LPIN1: variants seen among roughly 807,000 people sequenced by gnomAD.
LPIN1 encodes the protein lipin 1.
LPIN1 carries 71 observed loss-of-function variants against 107.5 expected under a neutral mutation model. The observed-to-expected ratio is 0.66, with a 90% confidence interval of 0.55 to 0.80. The LOEUF is 0.80. LPIN1 is among the 30% of genes least tolerant of loss of function. The probability of loss-of-function intolerance (pLI) is 0.00; values close to 1 mark genes in which losing one functional copy is unlikely to be tolerated. For missense variants in LPIN1, 1,043 were observed against 1,160.6 expected, an observed-to-expected ratio of 0.90 and a Z score of 1.47; for synonymous variants, 445 against 452.6, an observed-to-expected ratio of 0.98 and a Z score of 0.21.
Position 11,786,377 on chromosome 2 carries a change from G to A in LPIN1, c.1550-697G>A, listed in dbSNP as rs1674579795. 6.6e-6 allele frequency among the ~76,000 whole-genome samples: 1 copy of A among 152,176 alleles called. No individual in the cohort carries two copies. Among genetic ancestry groups the A allele is most frequent in the Non-Finnish European group, 1.5e-5 (1 of 68,042 alleles). The stretch of plus-strand genomic sequence containing the variant: ...AGTGGGCGTGGCTCTGGGCCAGGGA[G>A]ATGGTCAGAACCGCGGTCAAGGCTT... On this transcript the variant is annotated intron_variant, in intron 10 of 20. Coordinates refer to ENST00000674199, the MANE Select transcript of LPIN1 (RefSeq NM_001349206.2). This position sits in a 1 kb window ranked among gnomAD's most constrained non-coding sequence, Gnocchi z 4.1.
chr2:11,787,698 T>G (rs1198238563), intron 11 of LPIN1, among the ~76,000 whole-genome samples: 3 of 152,032 alleles, frequency 2.0e-5, no homozygotes, highest in Non-Finnish European at 2.9e-5. Context: ...ACTCAGCACT[T>G]TGGGAGGCCA....
At chr2:11,698,947 T>A (rs2148514245) in intron 1 of LPIN1, among the ~76,000 whole-genome samples, 1 of 152,348 alleles carries the variant, frequency 6.6e-6, no homozygotes, top group East Asian at 1.9e-4. Context: ...AGGCCATGAA[T>A]CAAGCTTGGC....
intron 20 of LPIN1, among the ~76,000 whole-genome samples, chr2:11,821,471 C>T (rs571275774): frequency 1.2e-3 from 189 of 152,264 alleles, no homozygotes; most frequent in Admixed American, 2.9e-3. Flanking sequence ...GAGCCCAGAT[C>T]GTGCCATTGC....
At position 11,819,519 on chromosome 2, in the gene LPIN1, T is replaced by A; in HGVS notation, c.2438T>A (p.Val813Asp). Reference protein sequence around the residue: ...VIEKKPEKFKVQCLTDIKNLF... With the variant: ...VIEKKPEKFKDQCLTDIKNLF... ...GAAAAGAAGCCAGAAAAGTTTAAAG[T>A]CCAGTGTTTGACAGACATCAAAAAC... is the stretch of plus-strand genomic sequence containing the variant. Residue 813 changes from valine to aspartate, a missense_variant, in exon 19 of 21, where the codon GTC becomes GAC. Coordinates refer to ENST00000674199, the MANE Select transcript of LPIN1 (RefSeq NM_001349206.2). 1 of 1,613,858 alleles carries A rather than the reference T, an allele frequency of 6.2e-7. No homozygotes were observed. The highest frequency in any genetic ancestry group is 1.1e-5 in the South Asian group (1 of 91,076).
chr2:11,709,743 G>A (rs1572364970), intron 1 of LPIN1, among the ~76,000 whole-genome samples: 1 of 152,218 alleles, frequency 6.6e-6, no homozygotes, highest in African/African-American at 2.4e-5. Context: ...ACTGGGAGCA[G>A]CCCACGACTT....
At chr2:11,794,438 T>C (rs1027275905) in intron 13 of LPIN1, among the ~76,000 whole-genome samples, 2 of 152,234 alleles carry the variant, frequency 1.3e-5, no homozygotes, top group Non-Finnish European at 2.9e-5. Flanking sequence ...TTGCTAATAG[T>C]GATGGCTAAG....
At chr2:11,735,768 C>A (rs920717556) in intron 1 of LPIN1, among the ~76,000 whole-genome samples, 1 of 152,214 alleles carries the variant, frequency 6.6e-6, no homozygotes, top group African/African-American at 2.4e-5. Context: ...TTACATTCTT[C>A]CCATGAAATG....
intron 20 of LPIN1, among the ~76,000 whole-genome samples, chr2:11,823,829 T>C (rs1477053825): frequency 6.6e-6 from 1 of 152,170 alleles, no homozygotes; most frequent in Admixed American, 6.5e-5. Context: ...GAGAACGTTG[T>C]AGGAAGCATT....
At chr2:11,773,845 A>G in intron 5 of LPIN1, 100 bp downstream of exon 5, 1 of 1,417,298 alleles carries the variant, frequency 7.1e-7, no homozygotes, top group South Asian at 1.2e-5. Context: ...AAAAGTGAAA[A>G]TAATTAGGAC....
Position 11,795,494 on chromosome 2 carries a change from T to C in LPIN1, c.1886+7T>C, listed in dbSNP as rs200527588. The C allele has an allele frequency of 1.4e-4, 232 of 1,613,678 alleles. 2 individuals carry two copies. Among genetic ancestry groups the C allele is most frequent in the South Asian group, 4.9e-4 (45 of 91,060 alleles). The stretch of plus-strand genomic sequence containing the variant: ...AGCTCAGCTTGGCCACCAGGTGCGG[T>C]AGGAGGCTTCTTGGGATGTTTGCAG... On this transcript the variant is annotated splice_region_variant and intron_variant, in intron 14 of 20. Coordinates refer to ENST00000674199, the MANE Select transcript of LPIN1 (RefSeq NM_001349206.2).
chr2:11,824,771 A>G lies in LPIN1; in HGVS notation c.2761A>G (p.Ile921Val), dbSNP rs1558324275. Residue 921 changes from isoleucine (I) to valine (V), a missense_variant, in exon 21 of 21, where the codon ATT becomes GTT. Physicochemically the swap from Ile to Val is conservative, Grantham distance 29. Transcript: ENST00000674199. Reference protein sequence around the residue: ...EPLPPFENQDIHSASA With the variant: ...EPLPPFENQDVHSASA ...ACTGCCACCTTTTGAAAACCAGGACATTCATTCTGCCTCAGCGTAAAATGT... is the reference window on the plus strand; with the variant it reads ...ACTGCCACCTTTTGAAAACCAGGACGTTCATTCTGCCTCAGCGTAAAATGT... 6.2e-7 allele frequency: 1 copy of G among 1,614,208 alleles called. No individual in the cohort carries two copies. The highest frequency in any genetic ancestry group is 2.2e-5 in the East Asian group (1 of 44,880).
intron 1 of LPIN1, among the ~76,000 whole-genome samples, chr2:11,759,816 A>AC (rs1220247763): frequency 1.3e-3 from 20 of 15,462 alleles, no homozygotes; most frequent in Non-Finnish European, 2.2e-3. Context: ...GCGGGGGCTG[A>AC]CCCCCCACCT....
intron 1 of LPIN1, among the ~76,000 whole-genome samples, chr2:11,735,017 C>T (rs956382353): frequency 7.9e-5 from 12 of 152,056 alleles, no homozygotes; most frequent in African/African-American, 2.7e-4. Flanking sequence ...CCTGGCTGGG[C>T]GCGGTGGCTC....
At position 11,787,176 on chromosome 2, in the gene LPIN1, C is replaced by T. The variant is rs749802580; in HGVS notation, c.1643+9C>T. On this transcript the variant is annotated intron_variant, in intron 11 of 20. Transcript: ENST00000674199. ...GTAAAGATTGGGAGTAAGTAAGTAC[C>T]TCTTGAAAGTCACTTTGGCAGTAGC... is the stretch of plus-strand genomic sequence containing the variant. The T allele has an allele frequency of 1.2e-5, 19 of 1,589,240 alleles. No individual in the cohort carries two copies. Among genetic ancestry groups the T allele is most frequent in the African/African-American group, 2.7e-5 (2 of 74,422 alleles).
chr2:11,719,718 C>T (rs1410626179), upstream of LPIN1, among the ~76,000 whole-genome samples: 4 of 151,850 alleles, frequency 2.6e-5, no homozygotes, highest in Non-Finnish European at 5.9e-5. Context: ...GGAGCTCTTA[C>T]GCAGGTGCCC....
intron 1 of LPIN1, among the ~76,000 whole-genome samples, chr2:11,728,757 TA>T (rs1385978635): frequency 6.6e-5 from 10 of 152,232 alleles, no homozygotes; most frequent in African/African-American, 2.4e-4. Flanking sequence ...AATACTTTTA[TA>T]ATTCTATTTT....
At chr2:11,703,399 C>T (rs983908591) in intron 1 of LPIN1, among the ~76,000 whole-genome samples, 1 of 152,140 alleles carries the variant, frequency 6.6e-6, no homozygotes, top group Non-Finnish European at 1.5e-5. Context: ...CGCAACTGCT[C>T]TGAGAGCCCT....
At chr2:11,718,054 G>A (rs141430820) in intron 2 of LPIN1, among the ~76,000 whole-genome samples, 194 of 152,210 alleles carry the variant, frequency 1.3e-3, no homozygotes, top group Middle Eastern at 6.8e-3. Flanking sequence ...CTCTCTCCAG[G>A]AGATCTCTCT....
At chr2:11,742,206 G>C (rs958757302), upstream of LPIN1, 1 of 152,106 alleles carries the variant, frequency 6.6e-6, no homozygotes, top group Admixed American at 6.5e-5. Flanking sequence ...CCAATGTTCT[G>C]GTCAACTACA....
Sources: allele counts gnomAD v4.1 joint callset (sites outside exome capture counted in the v4.1 genomes callset), GRCh38; gene constraint gnomAD v4.1.1; non-coding constraint Gnocchi (gnomAD v3.1); transcripts MANE v1.5; gene names NCBI Gene and HGNC (gene_info 2026-07-23, HGNC 2026-07-21).